The following GRIK2 variants were observed in gnomAD, a reference collection of about 807,000 sequenced individuals.
The protein encoded by GRIK2 is glutamate receptor ionotropic, kainate 2.
In GRIK2, 32 loss-of-function variants were observed where a neutral mutation model predicts 100.3. The ratio of observed to expected loss-of-function variants is 0.32; its 90% CI spans 0.24 to 0.43. The LOEUF is 0.43. GRIK2 is among the 20% of genes least tolerant of loss of function. The probability of loss-of-function intolerance (pLI) is 1.00; values close to 1 mark genes in which losing one functional copy is unlikely to be tolerated. For missense variants in GRIK2, 843 were observed against 1,114.9 expected, an observed-to-expected ratio of 0.76 and a Z score of 3.47; for synonymous variants, 417 against 389.4, an observed-to-expected ratio of 1.07 and a Z score of -0.83.
chr6:101,833,862 C>T (rs1443221657), intron 10 of GRIK2, among the ~76,000 whole-genome samples: 2 of 152,008 alleles, frequency 1.3e-5, no homozygotes, highest in Non-Finnish European at 2.9e-5. Flanking sequence ...TTGCTAGTTT[C>T]TTATATCAGG....
intron 11 of GRIK2, among the ~76,000 whole-genome samples, chr6:101,873,989 G>T (rs1410463968): frequency 2.0e-5 from 3 of 152,084 alleles, no homozygotes; most frequent in Non-Finnish European, 4.4e-5. Flanking sequence ...GTAGATTCTG[G>T]ATATTAGCCC....
chr6:101,996,647 G>A (rs893930208), intron 14 of GRIK2, among the ~76,000 whole-genome samples: 5 of 152,096 alleles, frequency 3.3e-5, no homozygotes, highest in Non-Finnish European at 5.9e-5. Context: ...TTGCTGAAGA[G>A]TAGACGTATT....
At position 101,682,535 on chromosome 6, in the gene GRIK2, AT is replaced by A. The variant is rs2243352; in HGVS notation, c.724-7del. ...TTTCCTGAAATATGTACCTTCAGTA[AT>A]TTTTTTTTTTCCTTAGGCATTAGCT... On this transcript the variant is annotated splice_polypyrimidine_tract_variant and intron_variant, in intron 5 of 16. Transcript: ENST00000369134. The A allele has an allele frequency of 0.019, 15,708 of 836,274 alleles. 7 individuals are homozygous for A. Among genetic ancestry groups the A allele is most frequent in the South Asian group, 0.023 (1,231 of 53,344 alleles). 51.8% of individuals were successfully genotyped at this position (836,274 alleles called of 1,614,324 possible).
chr6:102,049,216 C>T (rs1771049760), intron 15 of GRIK2, among the ~76,000 whole-genome samples: 1 of 151,900 alleles, frequency 6.6e-6, no homozygotes. Context: ...ACAAAAAATA[C>T]AAATTGGTAA....
chr6:101,621,780 A>G (rs150656907), intron 2 of GRIK2, among the ~76,000 whole-genome samples, 169 bp from the exon 3 acceptor site: 82 of 152,118 alleles, frequency 5.4e-4, no homozygotes, highest in African/African-American at 2.0e-3. Context: ...CACACACCCC[A>G]TGTACTTAAA....
chr6:101,555,141 G>A (rs1245576532), intron 2 of GRIK2, among the ~76,000 whole-genome samples: 3 of 152,162 alleles, frequency 2.0e-5, no homozygotes, highest in Admixed American at 6.5e-5. Flanking sequence ...TCCACCAGAG[G>A]TTGATATTTG....
chr6:101,844,803 T>A (rs911048919), intron 10 of GRIK2, among the ~76,000 whole-genome samples: 6 of 152,232 alleles, frequency 3.9e-5, no homozygotes, highest in Admixed American at 1.3e-4. Context: ...TAGATACATG[T>A]TTTTTGTATT....
chr6:101,606,517 C>A (rs1386537579), intron 2 of GRIK2, among the ~76,000 whole-genome samples: 1 of 151,934 alleles, frequency 6.6e-6, no homozygotes, highest in African/African-American at 2.4e-5. Flanking sequence ...CTCCTCAGAT[C>A]ACAGCTAGGT....
intron 14 of GRIK2, among the ~76,000 whole-genome samples, chr6:101,969,026 C>G (rs1792874527): frequency 6.6e-6 from 1 of 151,884 alleles, no homozygotes; most frequent in Non-Finnish European, 1.5e-5. Flanking sequence ...AATCTTAACA[C>G]TATATAAACA....
chr6:101,860,990 C>T (rs992103734), intron 11 of GRIK2: 4 of 610,526 alleles, frequency 6.6e-6, no homozygotes, highest in Admixed American at 6.3e-5. Context: ...CTTTCCCATA[C>T]TCGGTAGGGC....
At chr6:101,639,037 A>G (rs1010944371) in intron 4 of GRIK2, among the ~76,000 whole-genome samples, 2 of 151,950 alleles carry the variant, frequency 1.3e-5, no homozygotes, top group Non-Finnish European at 2.9e-5. Flanking sequence ...TGTCCACGTA[A>G]AAGTTCGTTT....
At chr6:101,909,651 C>T (rs1355867767) in intron 12 of GRIK2, among the ~76,000 whole-genome samples, 1 of 146,188 alleles carries the variant, frequency 6.8e-6, no homozygotes, top group African/African-American at 2.5e-5. Flanking sequence ...AAAAAAGCAT[C>T]CTTGGGAAAT....
At chr6:101,594,393 G>A (rs554397824) in intron 2 of GRIK2, among the ~76,000 whole-genome samples, 1 of 151,820 alleles carries the variant, frequency 6.6e-6, no homozygotes, top group East Asian at 1.9e-4. Flanking sequence ...TATCCTCCTG[G>A]AGTTATATTT....
At chr6:101,618,541 ATCAG>A (rs1165540764) in intron 2 of GRIK2, among the ~76,000 whole-genome samples, 5 of 151,802 alleles carry the variant, frequency 3.3e-5, no homozygotes, top group African/African-American at 4.8e-5. Context: ...CATAAACTTC[ATCAG>A]TCATTCCTAT....
At chr6:101,791,898 G>C (rs975772761) in intron 7 of GRIK2, among the ~76,000 whole-genome samples, 7 of 151,750 alleles carry the variant, frequency 4.6e-5, no homozygotes, top group Non-Finnish European at 1.0e-4. Flanking sequence ...CTCCTGTATT[G>C]GGTGCATATA....
chr6:101,645,662 A>G (rs1239245075), intron 4 of GRIK2, among the ~76,000 whole-genome samples: 1 of 151,998 alleles, frequency 6.6e-6, no homozygotes, highest in African/African-American at 2.4e-5. Context: ...TTCTTTAAAA[A>G]TAAATGAACT....
intron 2 of GRIK2, among the ~76,000 whole-genome samples, chr6:101,535,814 C>T (rs1283075126): frequency 1.3e-5 from 2 of 151,460 alleles, no homozygotes; most frequent in African/African-American, 4.8e-5. Context: ...CTGCAAAATG[C>T]TGCTTTTAAT....
intron 12 of GRIK2, among the ~76,000 whole-genome samples, chr6:101,922,261 C>A (rs1271921976): frequency 6.6e-6 from 1 of 151,964 alleles, no homozygotes; most frequent in African/African-American, 2.4e-5. Context: ...CTCCCCAACC[C>A]TACAACCACG....
At chr6:101,955,907 G>A (rs910288522) in intron 14 of GRIK2, among the ~76,000 whole-genome samples, 1 of 151,676 alleles carries the variant, frequency 6.6e-6, no homozygotes. Flanking sequence ...TTTCATTCTA[G>A]TTTTTATTAT....
Sources: allele counts gnomAD v4.1 joint callset (sites outside exome capture counted in the v4.1 genomes callset), GRCh38; gene constraint gnomAD v4.1.1; transcripts MANE v1.5; gene names NCBI Gene and HGNC (gene_info 2026-07-23, HGNC 2026-07-21).